Variants in SNTG2 observed in about 807,000 individuals in gnomAD.
The protein encoded by SNTG2 is syntrophin gamma 2, also known as gamma-2-syntrophin.
In SNTG2, 74 loss-of-function variants were observed where a neutral mutation model predicts 70.9. The ratio of observed to expected loss-of-function variants is 1.04; its 90% CI spans 0.86 to 1.27. The LOEUF (loss-of-function observed/expected upper bound fraction) is 1.27. Among genes scored for constraint, SNTG2 ranks in the 50% most tolerant of loss-of-function variants. The probability of loss-of-function intolerance (pLI) is 0.00; values close to 1 mark genes in which losing one functional copy is unlikely to be tolerated. For synonymous variants in SNTG2, 278 were observed against 273.8 expected (o/e 1.02, Z -0.15); for missense variants, 717 against 690.7 (o/e 1.04, Z -0.43).
At chr2:1,152,515 C>G (rs1669569006) in intron 6 of SNTG2, among the ~76,000 whole-genome samples, 1 of 152,042 alleles carries the variant, frequency 6.6e-6, no homozygotes, top group Admixed American at 6.5e-5. Context: ...TGTGTGTGTA[C>G]ATGTGTGTGC....
chr2:1,057,462 A>G (rs1272696908), intron 1 of SNTG2, among the ~76,000 whole-genome samples: 1 of 152,098 alleles, frequency 6.6e-6, no homozygotes, highest in Non-Finnish European at 1.5e-5. Context: ...AGGAGCAAGG[A>G]AGCCAGTTCG....
chr2:1,165,564 A>G lies in SNTG2; in HGVS notation c.428A>G (p.Asn143Ser), dbSNP rs535814618. The change falls in exon 7 of 17, where the codon AAT becomes AGT. Residue 143 changes from asparagine (N) to serine (S), a missense_variant. Coordinates refer to ENST00000308624, the MANE Select transcript of SNTG2 (RefSeq NM_018968.4). ...THEEVVHLLR[N>S]AGDEVTITVE... ...TATTGACAGGTGCATCTGCTGAGAA[A>G]TGCTGGCGATGAAGTTACCATCACC... The G allele has an allele frequency of 4.4e-5, 71 of 1,612,864 alleles. No homozygotes were observed. The South Asian group carries it at 7.6e-4, about 17-fold the overall frequency.
chr2:987,908 G>A (rs895596656), intron 1 of SNTG2, among the ~76,000 whole-genome samples: 6 of 152,268 alleles, frequency 3.9e-5, no homozygotes, highest in African/African-American at 1.2e-4. Context: ...ATTTCTGCCC[G>A]GCAGTTCCAG....
intron 14 of SNTG2, among the ~76,000 whole-genome samples, chr2:1,279,403 G>A (rs1679426336): frequency 6.6e-6 from 1 of 152,242 alleles, no homozygotes; most frequent in Non-Finnish European, 1.5e-5. Context: ...ATGCATGTAT[G>A]TAGGAAGAAA....
intron 9 of SNTG2, among the ~76,000 whole-genome samples, chr2:1,215,512 C>G (rs373459668): frequency 3.3e-5 from 5 of 151,194 alleles, no homozygotes; most frequent in Admixed American, 2.6e-4. Flanking sequence ...TTTTTTTTAA[C>G]ATTTTTAAAA....
intron 4 of SNTG2, among the ~76,000 whole-genome samples, chr2:1,129,567 G>T (rs955625742): frequency 4.6e-5 from 7 of 152,184 alleles, no homozygotes; most frequent in African/African-American, 1.7e-4. Context: ...GGTCAAGTTT[G>T]TGACCGCATT....
At chr2:1,241,720 G>A (rs144619004) in intron 11 of SNTG2, among the ~76,000 whole-genome samples, 233 of 152,270 alleles carry the variant, frequency 1.5e-3, no homozygotes, top group Middle Eastern at 3.4e-3. Flanking sequence ...CACAGTTTCC[G>A]CTATGGAGCA....
At chr2:1,099,356 G>A (rs895249137) in intron 4 of SNTG2, among the ~76,000 whole-genome samples, 4 of 152,204 alleles carry the variant, frequency 2.6e-5, no homozygotes, top group African/African-American at 9.6e-5. Context: ...GCCACTGCAG[G>A]GGACCCCTGG....
intron 7 of SNTG2, among the ~76,000 whole-genome samples, chr2:1,169,414 G>A (rs1043878290): frequency 6.6e-6 from 1 of 152,152 alleles, no homozygotes; most frequent in Admixed American, 6.5e-5. Flanking sequence ...TTCCCTGGGT[G>A]CCTTTGAAGG....
At chr2:1,093,009 G>A (rs114582783) in intron 2 of SNTG2, among the ~76,000 whole-genome samples, 1,577 of 152,296 alleles carry the variant, frequency 0.01, 11 homozygotes, top group Middle Eastern at 0.024. Context: ...ACCTTAGATT[G>A]CAACCTCCAT....
intron 1 of SNTG2, among the ~76,000 whole-genome samples, chr2:991,038 A>G (rs1363442243): frequency 6.6e-6 from 1 of 152,112 alleles, no homozygotes; most frequent in Non-Finnish European, 1.5e-5. Context: ...AGTACTTACC[A>G]TCCTAAGATC....
chr2:1,184,696 T>C (rs1214856957), intron 8 of SNTG2, among the ~76,000 whole-genome samples: 1 of 152,134 alleles, frequency 6.6e-6, no homozygotes, highest in Non-Finnish European at 1.5e-5. Context: ...ATTATAAGAA[T>C]AGCAAGAGAA....
chr2:1,167,026 C>T (rs976027422), intron 7 of SNTG2, among the ~76,000 whole-genome samples: 1 of 152,192 alleles, frequency 6.6e-6, no homozygotes, highest in East Asian at 1.9e-4. Context: ...TCCAAGCTCA[C>T]GTGGGATCTG....
intron 4 of SNTG2, among the ~76,000 whole-genome samples, chr2:1,113,884 AG>A (rs1666714924): frequency 7.9e-6 from 1 of 126,854 alleles, no homozygotes; most frequent in African/African-American, 3.1e-5. Context: ...GTCCTTTCAG[AG>A]GGATGGTGTG....
intron 9 of SNTG2, among the ~76,000 whole-genome samples, chr2:1,225,448 C>G (rs1251721444): frequency 6.6e-6 from 1 of 152,134 alleles, no homozygotes; most frequent in Non-Finnish European, 1.5e-5. Flanking sequence ...GAATTCTTTG[C>G]ACATCGTTGA....
chr2:953,988 GGT>G (rs375491225), intron 1 of SNTG2, among the ~76,000 whole-genome samples: 94 of 151,826 alleles, frequency 6.2e-4, no homozygotes, highest in South Asian at 1.9e-3. Flanking sequence ...GGTGACAGAG[GGT>G]GTGTTTGCAT....
chr2:1,241,729 C>T lies in SNTG2; in HGVS notation c.888+1953C>T, dbSNP rs147971999. ...AGGGAGCACAGTTTCCGCTATGGAGCACATTGAAGGAGCATCTTCCAGAGA... is the reference window on the plus strand; with the variant it reads ...AGGGAGCACAGTTTCCGCTATGGAGTACATTGAAGGAGCATCTTCCAGAGA... On this transcript the variant is annotated intron_variant, in intron 11 of 16. Transcript: ENST00000308624. Among the ~76,000 whole-genome samples the T allele has an allele frequency of 3.2e-3, 492 of 152,248 alleles. 5 individuals carry two copies. The highest frequency in any genetic ancestry group is 0.011 in the African/African-American group (470 of 41,538).
At chr2:1,137,289 C>T (rs1253299404) in intron 4 of SNTG2, among the ~76,000 whole-genome samples, 2 of 151,956 alleles carry the variant, frequency 1.3e-5, no homozygotes, top group Non-Finnish European at 2.9e-5. Context: ...CGCATGCACA[C>T]CCATCTGCAC....
intron 8 of SNTG2, among the ~76,000 whole-genome samples, chr2:1,190,043 A>G (rs974628858): frequency 2.6e-5 from 4 of 152,206 alleles, no homozygotes; most frequent in Non-Finnish European, 5.9e-5. Flanking sequence ...TGTTCATCTT[A>G]AAAAGTGAAC....
Sources: allele counts gnomAD v4.1 joint callset (sites outside exome capture counted in the v4.1 genomes callset), GRCh38; gene constraint gnomAD v4.1.1; transcripts MANE v1.5; gene names NCBI Gene and HGNC (gene_info 2026-07-23, HGNC 2026-07-21).